The following SNTG1 variants were observed in gnomAD, a reference collection of about 807,000 sequenced individuals.
SNTG1 encodes gamma-1-syntrophin.
SNTG1 carries 39 observed loss-of-function variants against 74.7 expected under a neutral mutation model. That is an observed-to-expected ratio of 0.52 (90% CI 0.40 to 0.68). SNTG1 has a LOEUF of 0.68. SNTG1 is among the 30% of genes least tolerant of loss of function. SNTG1 has a pLI of 0.00. For synonymous variants in SNTG1, 254 were observed against 217.1 expected (o/e 1.17, Z -1.49); for missense variants, 685 against 609.5 (o/e 1.12, Z -1.30).
intron 8 of SNTG1, among the ~76,000 whole-genome samples, chr8:50,473,750 C>G (rs2093672256): frequency 6.6e-6 from 1 of 152,054 alleles, no homozygotes; most frequent in African/African-American, 2.4e-5. Context: ...GGAAGGAAAT[C>G]CTTTTACATG....
intron 17 of SNTG1, among the ~76,000 whole-genome samples, chr8:50,717,764 ATG>A (rs1257344155): frequency 6.6e-6 from 1 of 152,202 alleles, no homozygotes; most frequent in Non-Finnish European, 1.5e-5. Context: ...AAGCAAGAAA[ATG>A]TGTGTGAAGT....
intron 2 of SNTG1, among the ~76,000 whole-genome samples, chr8:50,270,484 G>T (rs2087722061): frequency 1.3e-5 from 2 of 152,130 alleles, no homozygotes; most frequent in South Asian, 4.1e-4. Flanking sequence ...CGAAAAATCT[G>T]TTATGATTGG....
chr8:50,317,711 T>C (rs1478259318), intron 2 of SNTG1, among the ~76,000 whole-genome samples: 1 of 152,238 alleles, frequency 6.6e-6, no homozygotes, highest in Non-Finnish European at 1.5e-5. Context: ...TTTTCTTCTC[T>C]GTGTCCTTAT....
intron 9 of SNTG1, among the ~76,000 whole-genome samples, chr8:50,509,239 A>ATG: frequency 6.6e-6 from 1 of 152,188 alleles, no homozygotes; most frequent in African/African-American, 2.4e-5. Context: ...GTAGATATGC[A>ATG]GCATTATTTC....
chr8:50,200,195 G>A (rs779202207), intron 2 of SNTG1, among the ~76,000 whole-genome samples: 5 of 152,160 alleles, frequency 3.3e-5, no homozygotes, highest in South Asian at 2.1e-4. Flanking sequence ...ATTAATTCCC[G>A]TTAGTATCTC....
At chr8:49,961,656 C>T (rs1002162700) in intron 1 of SNTG1, among the ~76,000 whole-genome samples, 4 of 152,150 alleles carry the variant, frequency 2.6e-5, no homozygotes, top group African/African-American at 4.8e-5. Context: ...CATTATTGCA[C>T]GAGAATATGC....
At chr8:50,565,813 C>T (rs927563516) in intron 12 of SNTG1, among the ~76,000 whole-genome samples, 1 of 151,784 alleles carries the variant, frequency 6.6e-6, no homozygotes, top group Non-Finnish European at 1.5e-5. Flanking sequence ...TGTAGCTATC[C>T]AGGAGTATGA....
chr8:49,956,303 C>T (rs1176673148), intron 1 of SNTG1, among the ~76,000 whole-genome samples: 1 of 152,190 alleles, frequency 6.6e-6, no homozygotes, highest in Admixed American at 6.5e-5. Context: ...AAACCTAAAA[C>T]AAACAACCCA....
chr8:50,660,613 T>C (rs2095217769), intron 15 of SNTG1, among the ~76,000 whole-genome samples: 2 of 152,082 alleles, frequency 1.3e-5, no homozygotes, highest in Non-Finnish European at 2.9e-5. Context: ...ATCATAGTAA[T>C]AACGCAACAC....
chr8:49,952,513 G>A (rs1378629832), intron 1 of SNTG1, among the ~76,000 whole-genome samples: 6 of 152,170 alleles, frequency 3.9e-5, no homozygotes, highest in Admixed American at 3.9e-4. Context: ...CTGGAGCTCA[G>A]GAATGAAGAA....
chr8:50,694,709 A>G (rs1418369204), intron 15 of SNTG1, among the ~76,000 whole-genome samples: 1 of 152,140 alleles, frequency 6.6e-6, no homozygotes, highest in Non-Finnish European at 1.5e-5. Flanking sequence ...AAATTCAACA[A>G]CACATTAAAA....
intron 15 of SNTG1, among the ~76,000 whole-genome samples, chr8:50,685,680 T>A (rs750044309): frequency 2.0e-5 from 3 of 152,146 alleles, no homozygotes; most frequent in East Asian, 3.9e-4. Context: ...TAAATACATA[T>A]CTATAGAGAT....
chr8:50,582,796 T>A (rs2094619648), intron 12 of SNTG1, among the ~76,000 whole-genome samples: 1 of 152,176 alleles, frequency 6.6e-6, no homozygotes. Context: ...CACAAAAGTG[T>A]CATTTTTAAC....
intron 11 of SNTG1, among the ~76,000 whole-genome samples, chr8:50,543,977 G>T (rs74338148): frequency 6.6e-6 from 1 of 151,802 alleles, no homozygotes; most frequent in Non-Finnish European, 1.5e-5. Flanking sequence ...TATCTTCTTC[G>T]GTGAAGTGTC....
Position 50,196,965 on chromosome 8 carries a change from G to A in SNTG1, c.-28+24330G>A, listed in dbSNP as rs904952775. Among the ~76,000 whole-genome samples, 49 of 152,050 alleles carry A rather than the reference G, an allele frequency of 3.2e-4. 1 individual carries two copies. Among genetic ancestry groups the A allele is most frequent in the African/African-American group, 1.2e-3 (49 of 41,386 alleles). On this transcript the variant is annotated intron_variant, in intron 2 of 18. Coordinates refer to ENST00000642720, the MANE Select transcript of SNTG1 (RefSeq NM_018967.5). Reference sequence around the variant, plus strand: ...CCACGGCACTCCAGCCTGAGTGACAGAGCCAGATTCTGTCTCAAAATAAAG... The same window carrying A: ...CCACGGCACTCCAGCCTGAGTGACAAAGCCAGATTCTGTCTCAAAATAAAG...
intron 17 of SNTG1, among the ~76,000 whole-genome samples, chr8:50,746,380 G>A (rs1420959185): frequency 6.6e-6 from 1 of 151,868 alleles, no homozygotes; most frequent in Non-Finnish European, 1.5e-5. Flanking sequence ...GATATCCACT[G>A]GCATCATTAA....
intron 1 of SNTG1, among the ~76,000 whole-genome samples, chr8:49,953,201 C>A (rs1289932063): frequency 6.6e-6 from 1 of 152,180 alleles, no homozygotes; most frequent in Non-Finnish European, 1.5e-5. Flanking sequence ...GAGAAACCAG[C>A]AGAATAGACT....
At chr8:50,630,103 G>T (rs371764068) in intron 13 of SNTG1, among the ~76,000 whole-genome samples, 3 of 152,036 alleles carry the variant, frequency 2.0e-5, no homozygotes, top group African/African-American at 7.2e-5. Context: ...GGTGATAAAA[G>T]GTAAGTAGGA....
Position 50,751,982 on chromosome 8 carries a change from T to C in SNTG1, c.1285-19T>C. The C allele has an allele frequency of 7.4e-7, 1 of 1,344,602 alleles. No homozygotes were observed. The highest frequency in any genetic ancestry group is 9.6e-7 in the Non-Finnish European group (1 of 1,037,066). 83.3% of individuals were successfully genotyped at this position (1,344,602 alleles called of 1,614,324 possible). ...ATATTAATTCCACCGACTTACATTG[T>C]TTTTTTTCCCCCCTTTAGGCTGTCC... On this transcript the variant is annotated intron_variant, in intron 17 of 18. Transcript: ENST00000642720.
Sources: gnomAD v4.1 joint callset for allele counts (sites outside exome capture counted in the v4.1 genomes callset) on GRCh38, gnomAD v4.1.1 for gene constraint, MANE v1.5 for transcripts, NCBI Gene and HGNC (gene_info 2026-07-23, HGNC 2026-07-21) for gene names.